Variants in LAMA3 observed in about 807,000 individuals in gnomAD.
The protein encoded by LAMA3 is laminin subunit alpha 3.
In LAMA3, 281 loss-of-function variants were observed where a neutral mutation model predicts 402.0. The observed-to-expected ratio is 0.70, with a 90% CI of 0.63 to 0.77. The LOEUF (loss-of-function observed/expected upper bound fraction) is 0.77, where lower values mean the gene tolerates loss of function less well. Ranked by LOEUF, LAMA3 falls within the 30% of genes least tolerant of loss-of-function variation. The pLI is 0.00. For missense variants in LAMA3, 3,840 were observed against 4,215.5 expected (o/e 0.91, Z 2.47); for synonymous variants, 1,431 against 1,558.4 (o/e 0.92, Z 1.93).
At chr18:23,814,259 A>G (rs2063133453) in intron 14 of LAMA3, 144 bp from the exon 15 acceptor site, 2 of 683,090 alleles carry the variant, frequency 2.9e-6, no homozygotes. Context: ...TGTTGAAATC[A>G]ACCCAGTATT....
At chr18:23,741,228 C>G (rs548873797) in intron 2 of LAMA3, among the ~76,000 whole-genome samples, 2 of 152,106 alleles carry the variant, frequency 1.3e-5, no homozygotes, top group East Asian at 3.9e-4. Context: ...CAGAGCCAAG[C>G]ATACTCTTTC....
intron 18 of LAMA3, among the ~76,000 whole-genome samples, 182 bp from the exon 19 acceptor site, chr18:23,819,659 A>T (rs575255055): frequency 6.6e-6 from 1 of 152,174 alleles, no homozygotes; most frequent in African/African-American, 2.4e-5. Context: ...TTTTATGTGA[A>T]TGTTTATGTG....
chr18:23,725,718 C>T (rs2061289411), intron 2 of LAMA3, among the ~76,000 whole-genome samples: 1 of 152,224 alleles, frequency 6.6e-6, no homozygotes, highest in Non-Finnish European at 1.5e-5. Context: ...CAGGTTTTGT[C>T]TCCTCCACCT....
intron 1 of LAMA3, among the ~76,000 whole-genome samples, chr18:23,711,535 T>C (rs2060989637): frequency 6.6e-6 from 1 of 152,186 alleles, no homozygotes. Flanking sequence ...GGAAATAACG[T>C]ATGTTAGTGA....
intron 12 of LAMA3, among the ~76,000 whole-genome samples, chr18:23,787,697 CTG>C: frequency 6.6e-6 from 1 of 152,250 alleles, no homozygotes. Context: ...AGTGGAAAAA[CTG>C]TCAACCAAGA....
intron 15 of LAMA3, 47 bp downstream of exon 15, chr18:23,814,549 A>T (rs371461071): frequency 1.6e-6 from 2 of 1,242,716 alleles, no homozygotes; most frequent in African/African-American, 3.0e-5. Flanking sequence ...ATGTTCTCTT[A>T]ATTTTCTCTG....
At chr18:23,876,468 T>A in intron 39 of LAMA3, 61 bp downstream of exon 39, 2 of 1,107,846 alleles carry the variant, frequency 1.8e-6, no homozygotes, top group East Asian at 2.4e-5. Flanking sequence ...CATTCCCCTG[T>A]ACTATGCCCA....
chr18:23,934,342 C>G (rs2082250956), intron 67 of LAMA3, among the ~76,000 whole-genome samples: 1 of 152,202 alleles, frequency 6.6e-6, no homozygotes, highest in Non-Finnish European at 1.5e-5. Context: ...GTACCCTTGA[C>G]TACAGACTAG....
chr18:23,951,648 TCC>T, intron 72 of LAMA3, 34 bp from the exon 73 acceptor site: 1 of 1,573,420 alleles, frequency 6.4e-7, no homozygotes, highest in Non-Finnish European at 8.7e-7. Flanking sequence ...CCACCTGCCT[TCC>T]TGAAGGAAAT....
At position 23,902,997 on chromosome 18, in the gene LAMA3, T is replaced by A. The variant is rs764177904; in HGVS notation, c.6202-12T>A. The A allele has an allele frequency of 1.3e-5, 20 of 1,536,270 alleles. No individual in the cohort carries two copies. The highest frequency in any genetic ancestry group is 1.7e-4 in the Middle Eastern group (1 of 5,824). On this transcript the variant is annotated splice_polypyrimidine_tract_variant and intron_variant, in intron 48 of 74. Transcript: ENST00000313654. ...TCATAGAGCTCAAGCAATTTTTTTT[T>A]ATTTTCTCCAGAGACAAGTGAAAGA...
intron 42 of LAMA3, 68 bp from the exon 43 acceptor site, chr18:23,894,229 AC>A: frequency 1.5e-6 from 2 of 1,290,738 alleles, no homozygotes; most frequent in Non-Finnish European, 2.3e-6. Flanking sequence ...TTTTCTGAAA[AC>A]CAAGTTAAAG....
In LAMA3 at chr18:23,815,554, C is replaced by A. The variant is rs778161067; in HGVS notation, c.2028C>A (p.Ser676Arg). ...CEDGYFALEK[S>R]NYFGCQGCQC... ...ATGGATATTTTGCTTTGGAAAAGAG[C>A]AATTACTTTGGGTGTCAAGGTAAAT... Residue 676 changes from serine (S) to arginine (R), a missense_variant, in exon 17 of 75, where the codon AGC becomes AGA. Ser to Arg is a moderately radical substitution (Grantham distance 110). Around this residue, in one of 3 missense-constraint regions of LAMA3, gnomAD observed 2,109 missense variants for 2,376.0 expected, o/e 0.89. Coordinates refer to ENST00000313654, the MANE Select transcript of LAMA3 (RefSeq NM_198129.4). 11 of 1,613,486 alleles carry A rather than the reference C, an allele frequency of 6.8e-6. No individual in the cohort carries two copies. The South Asian group carries it at 9.9e-5, about 14-fold the overall frequency.
intron 38 of LAMA3, among the ~76,000 whole-genome samples, chr18:23,874,862 G>C (rs1360723412): frequency 6.6e-6 from 1 of 152,140 alleles, no homozygotes; most frequent in Non-Finnish European, 1.5e-5. Context: ...GACAATATCT[G>C]ATTTTGTTTA....
chr18:23,698,580 A>T (rs2060730578), intron 1 of LAMA3, among the ~76,000 whole-genome samples: 1 of 152,120 alleles, frequency 6.6e-6, no homozygotes, highest in Non-Finnish European at 1.5e-5. Flanking sequence ...ATTTGGACTC[A>T]TTGTCTTAAT....
intron 32 of LAMA3, among the ~76,000 whole-genome samples, chr18:23,851,449 A>G (rs1354697056): frequency 6.6e-6 from 1 of 152,092 alleles, no homozygotes; most frequent in Non-Finnish European, 1.5e-5. Context: ...CCTCAGGTAT[A>G]TTACTTCTGT....
At chr18:23,852,255 C>A (rs1331540959) in intron 32 of LAMA3, among the ~76,000 whole-genome samples, 2 of 152,200 alleles carry the variant, frequency 1.3e-5, no homozygotes, top group Non-Finnish European at 2.9e-5. Flanking sequence ...GACAATTATA[C>A]TGGGATTCAA....
intron 4 of LAMA3, among the ~76,000 whole-genome samples, chr18:23,750,233 T>C (rs2061721750): frequency 6.6e-6 from 1 of 152,164 alleles, no homozygotes; most frequent in Non-Finnish European, 1.5e-5. Flanking sequence ...ATGGAAATTG[T>C]GAGGCCATAA....
At chr18:23,923,954 T>C (rs2081926942) in intron 62 of LAMA3, among the ~76,000 whole-genome samples, 2 of 152,218 alleles carry the variant, frequency 1.3e-5, no homozygotes, top group African/African-American at 2.4e-5. Flanking sequence ...TTTATTTGCC[T>C]TTTCATCTCC....
intron 5 of LAMA3, 120 bp from the exon 6 acceptor site, chr18:23,753,601 G>A (rs944606545): frequency 1.4e-6 from 1 of 737,394 alleles, no homozygotes; most frequent in Non-Finnish European, 2.5e-6. Flanking sequence ...CCAATGTAGG[G>A]CTCAAGAATA....
Sources: gnomAD v4.1 joint callset for allele counts (sites outside exome capture counted in the v4.1 genomes callset) on GRCh38, gnomAD v4.1.1 for gene constraint, gnomAD v4.1.1 regional missense constraint, MANE v1.5 for transcripts, NCBI Gene and HGNC (gene_info 2026-07-23, HGNC 2026-07-21) for gene names.